Variants in GPATCH2 observed in about 807,000 individuals in gnomAD.
GPATCH2 encodes the protein G patch domain-containing protein 2.
A neutral mutation model predicts 58.0 loss-of-function variants in GPATCH2; 51 were observed. The observed-to-expected ratio is 0.88, with a 90% CI of 0.70 to 1.11. The LOEUF (loss-of-function observed/expected upper bound fraction) is 1.11, where lower values mean the gene tolerates loss of function less well. GPATCH2 is among the 50% of genes most tolerant of loss of function. The pLI is 0.00. For missense variants in GPATCH2, 625 were observed against 652.2 expected, an observed-to-expected ratio of 0.96 and a Z score of 0.45; for synonymous variants, 222 against 218.5, an observed-to-expected ratio of 1.02 and a Z score of -0.14.
intron 8 of GPATCH2, among the ~76,000 whole-genome samples, chr1:217,490,909 G>A (rs1403224367): frequency 6.6e-6 from 1 of 152,204 alleles, no homozygotes; most frequent in African/African-American, 2.4e-5. Flanking sequence ...CAGATACCCA[G>A]TGGGATCTCA....
At chr1:217,520,520 G>T (rs993447710) in intron 5 of GPATCH2, among the ~76,000 whole-genome samples, 2 of 152,146 alleles carry the variant, frequency 1.3e-5, no homozygotes, top group African/African-American at 2.4e-5. Flanking sequence ...CACACTGTAT[G>T]ACTTTTAGGA....
Position 217,491,542 on chromosome 1 carries a change from A to T in GPATCH2, c.1277+138T>A, listed in dbSNP as rs188955302. Reference sequence around the variant, plus strand: ...TATTCATTGCTCGTAATCCTAAAATAGATTCCAATAAACAATACATAAAAT... The same window carrying T: ...TATTCATTGCTCGTAATCCTAAAATTGATTCCAATAAACAATACATAAAAT... On this transcript the variant is annotated intron_variant, in intron 8 of 9. Transcript: ENST00000366935. 484 of 415,672 alleles carry T rather than the reference A, an allele frequency of 1.2e-3. 4 individuals are homozygous for T. Among genetic ancestry groups the T allele is most frequent in the Non-Finnish European group, 4.8e-5 (11 of 228,778 alleles). The allele number at this position is 415,672 out of a possible 1,614,324, so 25.7% of individuals were successfully genotyped here. A position where few individuals can be genotyped will look rare whatever the true frequency, so the allele number is the denominator to read the frequency against.
At chr1:217,551,720 T>A (rs1558477873) in intron 5 of GPATCH2, among the ~76,000 whole-genome samples, 1 of 152,132 alleles carries the variant, frequency 6.6e-6, no homozygotes, top group Non-Finnish European at 1.5e-5. Context: ...GAAATCATGT[T>A]AAGCAATTTA....
rs945102298 is a variant in GPATCH2, at chr1:217,619,921, CT to C, written c.634del (p.Arg212GlufsTer3). ...TCCTTGTCTGATTATTTTCAACTTT[CT>C]TTTTTTGACTTTGTTCTTGGTAAAT... ...QEFTKNKVKK[R>X]KLKIIRQGPK... On this transcript the variant is annotated frameshift_variant, in exon 2 of 10. Coordinates refer to ENST00000366935, the MANE Select transcript of GPATCH2 (RefSeq NM_018040.5). LOFTEE classifies it high-confidence loss of function. 1.9e-6 allele frequency: 3 copies of C among 1,613,630 alleles called. No homozygotes were observed. Among genetic ancestry groups the C allele is most frequent in the Admixed American group, 3.3e-5 (2 of 59,928 alleles).
At position 217,575,854 on chromosome 1, in the gene GPATCH2, C is replaced by T. The variant is rs532748644; in HGVS notation, c.1098+34467G>A. Among the ~76,000 whole-genome samples the T allele has an allele frequency of 5.3e-5, 8 of 152,080 alleles. No individual in the cohort carries two copies. In the South Asian group the frequency reaches 1.7e-3, roughly 32 times the overall value. On this transcript the variant is annotated intron_variant, in intron 5 of 9. Coordinates refer to ENST00000366935, the MANE Select transcript of GPATCH2 (RefSeq NM_018040.5). The stretch of plus-strand genomic sequence containing the variant: ...AAAGCTAATAGCTTCATTTTTTAGC[C>T]CATTGTTCCTACTTACTTTTTGTGT...
intron 5 of GPATCH2, among the ~76,000 whole-genome samples, chr1:217,570,802 G>A (rs918819595): frequency 6.6e-5 from 10 of 152,170 alleles, no homozygotes; most frequent in Non-Finnish European, 1.3e-4. Context: ...TTACTGAAAA[G>A]GTTACTATCC....
At chr1:217,615,749 TCAATTAAATGAATG>T (rs1360002124) in intron 2 of GPATCH2, among the ~76,000 whole-genome samples, 2 of 152,144 alleles carry the variant, frequency 1.3e-5, no homozygotes, top group Non-Finnish European at 2.9e-5. Context: ...ATATATTTCT[TCAATTAAATGAATG>T]AATATCCACA....
intron 5 of GPATCH2, among the ~76,000 whole-genome samples, chr1:217,523,623 T>C (rs1479842177): frequency 1.3e-5 from 2 of 151,710 alleles, no homozygotes; most frequent in Non-Finnish European, 2.9e-5. Flanking sequence ...TTTCCCCACC[T>C]TTCCCCCCTT....
chr1:217,466,923 A>G (rs898340923), intron 8 of GPATCH2, among the ~76,000 whole-genome samples: 2 of 152,232 alleles, frequency 1.3e-5, no homozygotes, highest in African/African-American at 4.8e-5. Flanking sequence ...CTGTAATCCC[A>G]GCACTTTGCG....
intron 8 of GPATCH2, among the ~76,000 whole-genome samples, chr1:217,449,919 C>T (rs1203017504): frequency 6.6e-6 from 1 of 152,100 alleles, no homozygotes; most frequent in Non-Finnish European, 1.5e-5. Flanking sequence ...TGCTATTTAA[C>T]ATTCTAACAT....
chr1:217,594,183 T>C (rs1198571784), intron 5 of GPATCH2, among the ~76,000 whole-genome samples: 1 of 152,110 alleles, frequency 6.6e-6, no homozygotes, highest in African/African-American at 2.4e-5. Context: ...GAAACACATT[T>C]AACTCATAAT....
intron 4 of GPATCH2, 51 bp from the exon 5 acceptor site, chr1:217,610,451 T>C (rs369199539): frequency 1.6e-5 from 16 of 1,013,644 alleles, no homozygotes; most frequent in South Asian, 2.7e-5. Flanking sequence ...CACTGAAGCA[T>C]AGAAGAAGAA....
intron 8 of GPATCH2, among the ~76,000 whole-genome samples, chr1:217,452,574 T>G (rs1230184217): frequency 6.6e-6 from 1 of 152,194 alleles, no homozygotes; most frequent in African/African-American, 2.4e-5. Context: ...ATTGCCTTTA[T>G]AACTATTTTT....
chr1:217,597,871 T>C (rs1018265573), intron 5 of GPATCH2, among the ~76,000 whole-genome samples: 1 of 151,958 alleles, frequency 6.6e-6, no homozygotes, highest in Non-Finnish European at 1.5e-5. Context: ...CACATACAGA[T>C]CCCCCAACCA....
chr1:217,550,982 T>C (rs1357864481), intron 5 of GPATCH2, among the ~76,000 whole-genome samples: 2 of 151,826 alleles, frequency 1.3e-5, no homozygotes, highest in Non-Finnish European at 1.5e-5. Flanking sequence ...AATTTTTGCT[T>C]ACATGGACAG....
chr1:217,557,820 T>C (rs1665720918), intron 5 of GPATCH2, among the ~76,000 whole-genome samples: 1 of 152,224 alleles, frequency 6.6e-6, no homozygotes, highest in African/African-American at 2.4e-5. Flanking sequence ...CCCATTAATG[T>C]ATCTTTCATA....
chr1:217,599,659 CAATG>C (rs1189810202), intron 5 of GPATCH2, among the ~76,000 whole-genome samples: 7 of 152,226 alleles, frequency 4.6e-5, no homozygotes, highest in Non-Finnish European at 7.4e-5. Flanking sequence ...GCCCCTTGAA[CAATG>C]AAGACATCCT....
In GPATCH2 at chr1:217,559,313, A is replaced by G. The variant is rs76207352; in HGVS notation, c.1099-44424T>C. On this transcript the variant is annotated intron_variant, in intron 5 of 9. Transcript: ENST00000366935. ...TCACGACTCATTCTAAAGCATAAAC[A>G]TATCACCCCCTGCAAAAAAAAAAAA... 3.8e-3 allele frequency among the ~76,000 whole-genome samples: 583 copies of G among 151,994 alleles called. 6 individuals are homozygous for G. The highest frequency in any genetic ancestry group is 0.013 in the African/African-American group (544 of 41,438).
chr1:217,556,618 T>C (rs1665638682), intron 5 of GPATCH2, among the ~76,000 whole-genome samples: 1 of 152,192 alleles, frequency 6.6e-6, no homozygotes. Context: ...CCAAGAGACA[T>C]TTATGATTTT....
Sources: gnomAD v4.1 joint callset for allele counts (sites outside exome capture counted in the v4.1 genomes callset) on GRCh38, gnomAD v4.1.1 for gene constraint, MANE v1.5 for transcripts, NCBI Gene and HGNC (gene_info 2026-07-23, HGNC 2026-07-21) for gene names.